Variants in USP15 observed in about 807,000 individuals in gnomAD.
USP15 encodes ubiquitin carboxyl-terminal hydrolase 15.
Under a neutral mutation model 127.1 loss-of-function variants are expected in USP15, and 18 were observed. The ratio of observed to expected loss-of-function variants is 0.14; its 90% CI spans 0.10 to 0.21. The LOEUF (loss-of-function observed/expected upper bound fraction) is 0.21. USP15 is among the 10% of genes least tolerant of loss of function. The pLI is 1.00. For missense variants in USP15, 805 were observed against 1,159.9 expected (o/e 0.69, Z 4.44); for synonymous variants, 364 against 393.7 (o/e 0.92, Z 0.89).
chr12:62,370,628 C>G (rs1456451789), intron 8 of USP15, among the ~76,000 whole-genome samples: 4 of 152,124 alleles, frequency 2.6e-5, no homozygotes, highest in East Asian at 3.9e-4. Flanking sequence ...TGTCATGATA[C>G]CACCCTATAG....
chr12:62,338,168 C>G (rs565713339), intron 6 of USP15, among the ~76,000 whole-genome samples: 31 of 152,322 alleles, frequency 2.0e-4, no homozygotes, highest in Non-Finnish European at 3.2e-4. Context: ...TTAATAATCA[C>G]TATTCTGACT....
intron 1 of USP15, among the ~76,000 whole-genome samples, chr12:62,269,891 C>T (rs1180322184): frequency 6.6e-6 from 1 of 152,084 alleles, no homozygotes; most frequent in Non-Finnish European, 1.5e-5. Context: ...TACAAGTTTT[C>T]ATTTCTCGTG....
intron 6 of USP15, among the ~76,000 whole-genome samples, chr12:62,339,446 A>C (rs2065582184): frequency 6.6e-6 from 1 of 152,088 alleles, no homozygotes. Flanking sequence ...GAGTGGTGAG[A>C]GGGCATCCTT....
intron 5 of USP15, among the ~76,000 whole-genome samples, chr12:62,325,536 A>G (rs1367730103): frequency 1.3e-5 from 2 of 152,102 alleles, no homozygotes; most frequent in Non-Finnish European, 2.9e-5. Flanking sequence ...CAACCTACAA[A>G]TACAAATAGA....
chr12:62,281,132 G>C (rs1308668576), intron 1 of USP15, among the ~76,000 whole-genome samples: 1 of 152,140 alleles, frequency 6.6e-6, no homozygotes, highest in African/African-American at 2.4e-5. Context: ...AATTTTGGCA[G>C]ATTTCATAGA....
intron 4 of USP15, among the ~76,000 whole-genome samples, chr12:62,316,414 G>A (rs563282883): frequency 4.6e-5 from 7 of 151,596 alleles, no homozygotes; most frequent in Admixed American, 3.3e-4. Context: ...TTCCACATTT[G>A]TAGAATATAT....
chr12:62,355,247 T>C (rs2066084171), intron 7 of USP15, 84 bp from the exon 8 acceptor site: 12 of 1,180,058 alleles, frequency 1.0e-5, no homozygotes, highest in Non-Finnish European at 1.4e-5. Context: ...CAACCACATA[T>C]CTCATAAATA....
In USP15 at chr12:62,401,183, T is replaced by C. The variant is rs1243369377; in HGVS notation, c.2675-4T>C. On this transcript the variant is annotated splice_polypyrimidine_tract_variant and splice_region_variant and intron_variant, in intron 20 of 21. Coordinates refer to ENST00000280377, the MANE Select transcript of USP15 (RefSeq NM_001252078.2). Reference sequence around the variant, plus strand: ...CGTCACAGTGATTATATTTTTTTCATTAGATACTGCTTTTGCAAAAAATAA... The same window carrying C: ...CGTCACAGTGATTATATTTTTTTCACTAGATACTGCTTTTGCAAAAAATAA... 4 of 1,606,378 alleles carry C rather than the reference T, an allele frequency of 2.5e-6. No individual in the cohort carries two copies. The Admixed American group carries it at 6.7e-5, about 27-fold the overall frequency.
intron 1 of USP15, among the ~76,000 whole-genome samples, chr12:62,276,524 T>A (rs747835620): frequency 1.3e-5 from 2 of 152,036 alleles, no homozygotes; most frequent in Non-Finnish European, 2.9e-5. Flanking sequence ...TAATAATCTG[T>A]CCTTTATGTG....
rs1438429761 is a variant in USP15, at chr12:62,411,539, T to C, written c.*7164T>C. On this transcript the variant is annotated 3_prime_UTR_variant, in exon 22 of 22. Coordinates refer to ENST00000280377, the MANE Select transcript of USP15 (RefSeq NM_001252078.2). ...CTTTGCCTTCAGCTGACATGAATTA[T>C]GTTGTCTTTTTGTTTTTTGGTCCAG... 1 of 152,216 alleles carries C rather than the reference T, an allele frequency of 6.6e-6. No individual in the cohort carries two copies. Among genetic ancestry groups the C allele is most frequent in the Non-Finnish European group, 1.5e-5 (1 of 68,034 alleles). The allele number at this position is 152,216 out of a possible 1,614,324, so 9.4% of individuals were successfully genotyped here. A position where few individuals can be genotyped will look rare whatever the true frequency, so the allele number is the denominator to read the frequency against.
At chr12:62,276,931 T>G (rs1223464486) in intron 1 of USP15, among the ~76,000 whole-genome samples, 2 of 152,266 alleles carry the variant, frequency 1.3e-5, no homozygotes, top group East Asian at 3.9e-4. Context: ...TTTTTAAATG[T>G]GTTTGTAATT....
intron 7 of USP15, among the ~76,000 whole-genome samples, chr12:62,352,555 T>G (rs1247710225): frequency 2.6e-5 from 4 of 152,062 alleles, no homozygotes; most frequent in African/African-American, 7.2e-5. Context: ...GAACACTTTT[T>G]TATTTTTCTG....
Position 62,325,908 on chromosome 12 carries a change from T to C in USP15, c.658T>C (p.Trp220Arg). Reference sequence around the variant, plus strand: ...AGAACAGAAAAATGAAGATGGAACATGGCCAAGGGGTCCTTCTACTCCTAA... The same window carrying C: ...AGAACAGAAAAATGAAGATGGAACACGGCCAAGGGGTCCTTCTACTCCTAA... Reference protein sequence around the residue: ...VIEQKNEDGTWPRGPSTPKSP... With the variant: ...VIEQKNEDGTRPRGPSTPKSP... Residue 220 changes from tryptophan (W) to arginine (R), a missense_variant, in exon 6 of 22, where the codon TGG (tryptophan) becomes CGG (arginine). This residue lies in a region of USP15 where 84 missense variants were observed against 107.7 expected (regional missense o/e 0.78). Coordinates refer to ENST00000280377, the MANE Select transcript of USP15 (RefSeq NM_001252078.2). 1 of 1,610,874 alleles carries C rather than the reference T, an allele frequency of 6.2e-7. No individual in the cohort carries two copies. The highest frequency in any genetic ancestry group is 8.5e-7 in the Non-Finnish European group (1 of 1,178,106).
intron 1 of USP15, among the ~76,000 whole-genome samples, chr12:62,262,370 G>T (rs913564866): frequency 5.3e-5 from 8 of 152,138 alleles, no homozygotes; most frequent in South Asian, 2.1e-4. Context: ...GCTGGCTATT[G>T]TAAGTTAAAG....
rs2067810587 is a variant in USP15, at chr12:62,404,660, TTA to T, written c.*287_*288del. Reference sequence around the variant, plus strand: ...TTAAGTTTGCTGCTGTTTTGATTAATTATGTTTCCTTTAATTTTTTGGATGTG... The same window carrying T: ...TTAAGTTTGCTGCTGTTTTGATTAATTGTTTCCTTTAATTTTTTGGATGTG... On this transcript the variant is annotated 3_prime_UTR_variant, in exon 22 of 22. Coordinates refer to ENST00000280377, the MANE Select transcript of USP15 (RefSeq NM_001252078.2). 1 of 190,684 alleles carries T rather than the reference TTA, an allele frequency of 5.2e-6. No individual in the cohort carries two copies. The highest frequency in any genetic ancestry group is 6.2e-5 in the Admixed American group (1 of 16,200). 11.8% of individuals were successfully genotyped at this position (190,684 alleles called of 1,614,324 possible).
Position 62,351,099 on chromosome 12 carries a change from A to C in USP15, c.770+1792A>C, listed in dbSNP as rs1370050932. 2.0e-5 allele frequency among the ~76,000 whole-genome samples: 3 copies of C among 152,092 alleles called. No homozygotes were observed. In the South Asian group the frequency reaches 6.2e-4, roughly 32 times the overall value. ...GAGTACTAGAATAATTTTTTCTAGCAAAATTGTTTACCAATATGAATCAAG... is the reference window on the plus strand; with the variant it reads ...GAGTACTAGAATAATTTTTTCTAGCCAAATTGTTTACCAATATGAATCAAG... On this transcript the variant is annotated intron_variant, in intron 7 of 21. Coordinates refer to ENST00000280377, the MANE Select transcript of USP15 (RefSeq NM_001252078.2).
At chr12:62,401,773 T>C (rs1231644659) in intron 21 of USP15, among the ~76,000 whole-genome samples, 2 of 151,640 alleles carry the variant, frequency 1.3e-5, no homozygotes, top group African/African-American at 2.4e-5. Context: ...ACTTTGATAT[T>C]TTCTGAATAG....
chr12:62,386,365 A>G (rs1222322208), intron 11 of USP15, among the ~76,000 whole-genome samples: 1 of 151,872 alleles, frequency 6.6e-6, no homozygotes, highest in Non-Finnish European at 1.5e-5. Context: ...TTGAATATAT[A>G]TTATATCTTA....
intron 6 of USP15, among the ~76,000 whole-genome samples, chr12:62,348,558 C>T (rs2065883782): frequency 1.3e-5 from 2 of 151,992 alleles, no homozygotes; most frequent in Admixed American, 1.3e-4. Flanking sequence ...TTTTAGTGAC[C>T]TTTATGTACT....
Sources: gnomAD v4.1 joint callset for allele counts (sites outside exome capture counted in the v4.1 genomes callset) on GRCh38, gnomAD v4.1.1 for gene constraint, gnomAD v4.1.1 regional missense constraint, MANE v1.5 for transcripts, NCBI Gene and HGNC (gene_info 2026-07-23, HGNC 2026-07-21) for gene names.